The following ANKFN1 variants were observed in gnomAD, a reference collection of about 807,000 sequenced individuals.
ANKFN1 encodes ankyrin repeat and fibronectin type III domain containing 1.
Under a neutral mutation model 108.7 loss-of-function variants are expected in ANKFN1, and 74 were observed. The ratio of observed to expected loss-of-function variants is 0.68; its 90% CI spans 0.56 to 0.83. The LOEUF is 0.83. ANKFN1 is among the 40% of genes least tolerant of loss of function. The pLI is 0.00. For synonymous variants in ANKFN1, 547 were observed against 516.2 expected (o/e 1.06, Z -0.81); for missense variants, 1,505 against 1,382.3 (o/e 1.09, Z -1.41).
At chr17:56,439,308 G>T (rs2049025489) in intron 8 of ANKFN1, among the ~76,000 whole-genome samples, 1 of 152,012 alleles carries the variant, frequency 6.6e-6, no homozygotes, top group Non-Finnish European at 1.5e-5. Context: ...TAGAAACAGA[G>T]GCCTTGCTTC....
chr17:56,380,220 G>C (rs931942907), intron 8 of ANKFN1, among the ~76,000 whole-genome samples: 4 of 152,168 alleles, frequency 2.6e-5, no homozygotes, highest in African/African-American at 9.7e-5. Context: ...TTTTACGGCT[G>C]TTATGAATGA....
At chr17:56,497,417 G>T (rs2051233721) in intron 19 of ANKFN1, among the ~76,000 whole-genome samples, 1 of 152,086 alleles carries the variant, frequency 6.6e-6, no homozygotes, top group African/African-American at 2.4e-5. Flanking sequence ...AGAAAGCAGG[G>T]GAAAACGGCT....
At position 56,449,101 on chromosome 17, in the gene ANKFN1, A is replaced by G; in HGVS notation, c.1122A>G (p.Arg374=). 1 of 1,613,482 alleles carries G rather than the reference A, an allele frequency of 6.2e-7. No homozygotes were observed. Among genetic ancestry groups the G allele is most frequent in the Non-Finnish European group, 8.5e-7 (1 of 1,179,544 alleles). ...TAGACTGGAAAGACTATGACGACAG[A>G]GAGCCCAGACACAAGGGACAGAGTG... is the stretch of plus-strand genomic sequence containing the variant. ...SPSNWKDYDD[R]EPRHKGQSEV... is the part of the protein sequence containing the mutation. Residue 374 remains arginine, a synonymous_variant, in exon 11 of 21, where the codon AGA becomes AGG. Transcript: ENST00000682825.
chr17:56,373,675 A>G (rs1267845517), intron 7 of ANKFN1, among the ~76,000 whole-genome samples: 1 of 152,230 alleles, frequency 6.6e-6, no homozygotes, highest in Admixed American at 6.5e-5. Flanking sequence ...TACCAAATCT[A>G]GGCCTAATCC....
chr17:56,289,963 C>T (rs2044316497), intron 3 of ANKFN1, among the ~76,000 whole-genome samples: 1 of 152,142 alleles, frequency 6.6e-6, no homozygotes, highest in African/African-American at 2.4e-5. Context: ...TAGTTAGTCC[C>T]ATTTCACAGA....
chr17:56,388,294 A>G (rs543273128), intron 8 of ANKFN1, among the ~76,000 whole-genome samples: 1 of 152,004 alleles, frequency 6.6e-6, no homozygotes, highest in Admixed American at 6.5e-5. Context: ...CTATAGGTGC[A>G]CACTACCACT....
At chr17:56,075,606 A>T (rs562847221) in intron 4 of ANKFN1, among the ~76,000 whole-genome samples, 3 of 152,122 alleles carry the variant, frequency 2.0e-5, no homozygotes, top group Non-Finnish European at 4.4e-5. Context: ...ATCAATGTTC[A>T]TTACATAATT....
chr17:56,106,570 A>G (rs9911616), intron 4 of ANKFN1, among the ~76,000 whole-genome samples: 2,662 of 152,296 alleles, frequency 0.017, 71 homozygotes, highest in African/African-American at 0.06. Context: ...TTCTCTTAGC[A>G]GCTTGGATAG....
At chr17:56,278,359 T>C (rs1352916506) in intron 3 of ANKFN1, among the ~76,000 whole-genome samples, 2 of 152,198 alleles carry the variant, frequency 1.3e-5, no homozygotes, top group East Asian at 3.8e-4. Flanking sequence ...TTCTGCAAAA[T>C]TCCCAAATTA....
chr17:56,480,587 TG>T, intron 16 of ANKFN1, 80 bp from the exon 17 acceptor site: 1 of 1,456,076 alleles, frequency 6.9e-7, no homozygotes, highest in Non-Finnish European at 9.5e-7. Context: ...ATCCAGGTTC[TG>T]GACACATACA....
Position 56,456,857 on chromosome 17 carries a change from C to G in ANKFN1, c.1208-4C>G. ...TATACTGTATTTTTTAAAATACATT[C>G]CAGAAAGCACAAAATTACAAACCAC... is the stretch of plus-strand genomic sequence containing the variant. On this transcript the variant is annotated splice_region_variant and splice_polypyrimidine_tract_variant and intron_variant, in intron 11 of 20. Coordinates refer to ENST00000682825, the MANE Select transcript of ANKFN1 (RefSeq NM_001370326.1). 6.2e-7 allele frequency: 1 copy of G among 1,612,998 alleles called. No homozygotes were observed. Among genetic ancestry groups the G allele is most frequent in the Non-Finnish European group, 8.5e-7 (1 of 1,179,106 alleles).
chr17:56,218,984 A>G (rs1394950114), intron 2 of ANKFN1, among the ~76,000 whole-genome samples: 2 of 152,308 alleles, frequency 1.3e-5, no homozygotes, highest in Middle Eastern at 3.4e-3. Flanking sequence ...GGTCTATTAC[A>G]GTACTTTTCA....
At chr17:56,421,916 G>A (rs938935502) in intron 8 of ANKFN1, among the ~76,000 whole-genome samples, 2 of 152,068 alleles carry the variant, frequency 1.3e-5, no homozygotes, top group African/African-American at 4.8e-5. Flanking sequence ...GCTAAGGGGG[G>A]ATATAACCTT....
intron 4 of ANKFN1, among the ~76,000 whole-genome samples, chr17:56,065,287 C>T (rs1474556094): frequency 1.3e-5 from 2 of 152,126 alleles, no homozygotes; most frequent in African/African-American, 4.8e-5. Flanking sequence ...AAGGCTTTGG[C>T]CTAAGGGAAT....
chr17:56,489,187 T>G (rs796711859), intron 18 of ANKFN1, among the ~76,000 whole-genome samples: 17 of 152,266 alleles, frequency 1.1e-4, no homozygotes, highest in African/African-American at 4.1e-4. Context: ...CACTATCTTA[T>G]GTAGAAAAAA....
At chr17:56,264,273 C>T (rs2043594283) in intron 3 of ANKFN1, among the ~76,000 whole-genome samples, 1 of 152,186 alleles carries the variant, frequency 6.6e-6, no homozygotes, top group Non-Finnish European at 1.5e-5. Flanking sequence ...AGCCTCTTCT[C>T]CTCTGCAGAA....
chr17:56,260,446 C>T (rs983251820), intron 3 of ANKFN1, among the ~76,000 whole-genome samples: 1 of 151,970 alleles, frequency 6.6e-6, no homozygotes, highest in African/African-American at 2.4e-5. Context: ...ATTCACTTTG[C>T]ACCGCCTTTG....
chr17:56,204,783 A>C (rs1205532738), intron 1 of ANKFN1, among the ~76,000 whole-genome samples: 1 of 152,008 alleles, frequency 6.6e-6, no homozygotes, highest in Non-Finnish European at 1.5e-5. Flanking sequence ...TGGTTTTAAA[A>C]ACTTTGTACT....
chr17:56,184,570 C>G (rs912219021), intron 1 of ANKFN1, among the ~76,000 whole-genome samples: 2 of 152,110 alleles, frequency 1.3e-5, no homozygotes, highest in Admixed American at 6.5e-5. Flanking sequence ...GGCCTGTTTC[C>G]TACATGCAGA....
Sources: allele counts gnomAD v4.1 joint callset (sites outside exome capture counted in the v4.1 genomes callset), GRCh38; gene constraint gnomAD v4.1.1; transcripts MANE v1.5; gene names NCBI Gene and HGNC (gene_info 2026-07-23, HGNC 2026-07-21).